PPARA: variants seen among roughly 807,000 people sequenced by gnomAD.
PPARA encodes the protein peroxisome proliferator-activated receptor alpha.
In PPARA, 22 loss-of-function variants were observed where a neutral mutation model predicts 42.2. That is an observed-to-expected ratio of 0.52 (90% CI 0.37 to 0.74). PPARA has a LOEUF of 0.74. Ranked by LOEUF, PPARA falls within the 30% of genes least tolerant of loss-of-function variation. PPARA has a pLI of 0.00. For missense variants in PPARA, 465 were observed against 608.2 expected (o/e 0.76, Z 2.48); for synonymous variants, 242 against 239.3 (o/e 1.01, Z -0.10).
At chr22:46,197,039 TG>T (rs1254406741) in intron 3 of PPARA, among the ~76,000 whole-genome samples, 1 of 147,816 alleles carries the variant, frequency 6.8e-6, no homozygotes, top group African/African-American at 2.6e-5. Context: ...TGTTTGGTTT[TG>T]GTTTTGGTTT....
intron 2 of PPARA, among the ~76,000 whole-genome samples, chr22:46,175,156 G>A (rs1025958707): frequency 3.3e-5 from 5 of 151,982 alleles, no homozygotes; most frequent in African/African-American, 4.8e-5. Context: ...TGATCTGCCC[G>A]CCTTGGCCTC....
At chr22:46,228,015 C>CT (rs1409376640) in intron 7 of PPARA, among the ~76,000 whole-genome samples, 1 of 152,210 alleles carries the variant, frequency 6.6e-6, no homozygotes, top group Non-Finnish European at 1.5e-5. Context: ...GTTCTCCCTG[C>CT]TAAATGAGGC....
In PPARA at chr22:46,195,512, TTGA is replaced by T. The variant is rs1490090119; in HGVS notation, c.-42-2825_-42-2823del. Among the ~76,000 whole-genome samples, 2 of 152,288 alleles carry T rather than the reference TTGA, an allele frequency of 1.3e-5. No homozygotes were observed. The highest frequency in any genetic ancestry group is 4.8e-5 in the African/African-American group (2 of 41,570). ...CTATTTGATGATTTCCCTGTGAACT[TTGA>T]TGATTTATTGCCAGAATTCCAAACA... On this transcript the variant is annotated intron_variant, in intron 3 of 8. Transcript: ENST00000407236. The surrounding 1 kb of genome is among the most constrained non-coding windows in gnomAD (Gnocchi z 4.6).
Position 46,232,193 on chromosome 22 carries a change from T to C in PPARA, c.1113T>C (p.Asp371=). The change falls in exon 8 of 9, where the codon GAT becomes GAC. Residue 371 remains aspartate, a synonymous_variant. Coordinates refer to ENST00000407236, the MANE Select transcript of PPARA (RefSeq NM_005036.6). This position sits in a 1 kb window ranked among gnomAD's most constrained non-coding sequence, Gnocchi z 5.3. ...TGAAGTTCAATGCACTGGAACTGGATGACAGTGATATCTCCCTTTTTGTGG... is the reference window on the plus strand; with the variant it reads ...TGAAGTTCAATGCACTGGAACTGGACGACAGTGATATCTCCCTTTTTGTGG... ...FAMKFNALEL[D]DSDISLFVAA... 6.2e-7 allele frequency: 1 copy of C among 1,614,216 alleles called. No homozygotes were observed. The highest frequency in any genetic ancestry group is 8.5e-7 in the Non-Finnish European group (1 of 1,180,044).
In PPARA at chr22:46,216,400, G is replaced by A. The variant is rs1276545903; in HGVS notation, c.369+1067G>A. Among the ~76,000 whole-genome samples, 1 of 149,948 alleles carries A rather than the reference G, an allele frequency of 6.7e-6. No individual in the cohort carries two copies. The highest frequency in any genetic ancestry group is 2.5e-5 in the African/African-American group (1 of 39,912). ...CTTCATCTCAAAAAAAAAAAAAAGAGAGAAAAGAAAATAAGCCACATTAAG... is the reference window on the plus strand; with the variant it reads ...CTTCATCTCAAAAAAAAAAAAAAGAAAGAAAAGAAAATAAGCCACATTAAG... On this transcript the variant is annotated intron_variant, in intron 5 of 8. Transcript: ENST00000407236. This position sits in a 1 kb window ranked among gnomAD's most constrained non-coding sequence, Gnocchi z 4.5.
At chr22:46,158,569 A>C (rs1156538166) in intron 2 of PPARA, among the ~76,000 whole-genome samples, 1 of 152,236 alleles carries the variant, frequency 6.6e-6, no homozygotes, top group Non-Finnish European at 1.5e-5. Flanking sequence ...TGAGTATTTA[A>C]ATGCGTGTTT....
chr22:46,177,238 T>C (rs1455855119), intron 3 of PPARA, among the ~76,000 whole-genome samples: 2 of 148,384 alleles, frequency 1.3e-5, no homozygotes, highest in African/African-American at 5.0e-5. Context: ...AAAATAAAAA[T>C]AATCTGTTTA....
At chr22:46,172,593 C>T (rs1009929902) in intron 2 of PPARA, among the ~76,000 whole-genome samples, 4 of 152,010 alleles carry the variant, frequency 2.6e-5, no homozygotes, top group Non-Finnish European at 4.4e-5. Context: ...ATTGCAGCCT[C>T]GGTGAGAGAG....
chr22:46,213,177 G>A (rs1240060427), intron 4 of PPARA, among the ~76,000 whole-genome samples: 1 of 152,144 alleles, frequency 6.6e-6, no homozygotes, highest in Non-Finnish European at 1.5e-5. Flanking sequence ...CACCAGCAAT[G>A]AATGGGGGTT....
Position 46,239,641 on chromosome 22 carries a change from A to ACCCCCCCCCCCCCCCCCCCCCCCCCCAC in PPARA, c.*4267_*4268insCCCCCCCCCCCCCCCCCCCCACCCCCCC, listed in dbSNP as rs1936317836. 1 of 133,760 alleles carries ACCCCCCCCCCCCCCCCCCCCCCCCCCAC rather than the reference A, an allele frequency of 7.5e-6. No homozygotes were observed. Among genetic ancestry groups the ACCCCCCCCCCCCCCCCCCCCCCCCCCAC allele is most frequent in the Non-Finnish European group, 1.6e-5 (1 of 62,126 alleles). The allele number at this position is 133,760 out of a possible 1,614,324, so 8.3% of individuals were successfully genotyped here. A position where few individuals can be genotyped will look rare whatever the true frequency, so the allele number is the denominator to read the frequency against. ...CGATGGTCCCGGCCTGCAGTGACAA[A>ACCCCCCCCCCCCCCCCCCCCCCCCCCAC]CCCCCCTCCCCGCACCGCCCCCAGC... On this transcript the variant is annotated 3_prime_UTR_variant, in exon 9 of 9. Coordinates refer to ENST00000407236, the MANE Select transcript of PPARA (RefSeq NM_005036.6).
rs1050538941 is a variant in PPARA at position 46,232,703 on chromosome 22, G to A, written c.1159+464G>A. On this transcript the variant is annotated intron_variant, in intron 8 of 8. Coordinates refer to ENST00000407236, the MANE Select transcript of PPARA (RefSeq NM_005036.6). The surrounding 1 kb of genome is among the most constrained non-coding windows in gnomAD (Gnocchi z 5.3). ...CAAATATATATATAGAGAAAAAGAG[G>A]TCGGACATGGGCCTGTAATCCCAGC... 4.0e-5 allele frequency among the ~76,000 whole-genome samples: 6 copies of A among 151,092 alleles called. No individual in the cohort carries two copies. The highest frequency in any genetic ancestry group is 8.8e-5 in the Non-Finnish European group (6 of 67,864).
intron 7 of PPARA, among the ~76,000 whole-genome samples, chr22:46,223,433 A>G (rs1935151551): frequency 6.6e-6 from 1 of 152,018 alleles, no homozygotes; most frequent in African/African-American, 2.4e-5. Context: ...ACCTGAGGTC[A>G]GGAGTTGGAG....
At position 46,215,159 on chromosome 22, in the gene PPARA, C is replaced by T. The variant is rs73886765; in HGVS notation, c.209-14C>T. 1 of 1,613,354 alleles carries T rather than the reference C, an allele frequency of 6.2e-7. No individual in the cohort carries two copies. Among genetic ancestry groups the T allele is most frequent in the African/African-American group, 1.3e-5 (1 of 75,014 alleles). ...TGCCTGGACTATTCATCCGTCTCTC[C>T]TCTTTTTCCCCAGACACGCTTTCAC... On this transcript the variant is annotated splice_polypyrimidine_tract_variant and intron_variant, in intron 4 of 8. Transcript: ENST00000407236.
In PPARA at chr22:46,207,642, A is replaced by T. The variant is rs182805907; in HGVS notation, c.209-7531A>T. 8.4e-4 allele frequency among the ~76,000 whole-genome samples: 87 copies of T among 104,072 alleles called. 1 individual carries two copies. Among genetic ancestry groups the T allele is most frequent in the Middle Eastern group, 0.011 (2 of 174 alleles). The allele number at this position is 104,072 out of a possible 152,430, so 68.3% of individuals were successfully genotyped here. On this transcript the variant is annotated intron_variant, in intron 4 of 8. Coordinates refer to ENST00000407236, the MANE Select transcript of PPARA (RefSeq NM_005036.6). ...ACTATCTTCTTGTTTTTAATTAATTAATTTATTATTATTATTATTATTATT... is the reference window on the plus strand; with the variant it reads ...ACTATCTTCTTGTTTTTAATTAATTTATTTATTATTATTATTATTATTATT...
At chr22:46,206,860 T>C (rs753806186) in intron 4 of PPARA, among the ~76,000 whole-genome samples, 4 of 152,198 alleles carry the variant, frequency 2.6e-5, no homozygotes, top group Non-Finnish European at 5.9e-5. Context: ...AATATGGCTC[T>C]ACTGGTAACG....
rs776110576 is a variant in PPARA, at chr22:46,183,740, C to CCAAAA, written c.-43+6925_-43+6929dup. On this transcript the variant is annotated intron_variant, in intron 3 of 8. Transcript: ENST00000407236. The surrounding 1 kb of genome is among the most constrained non-coding windows in gnomAD (Gnocchi z 5.5). ...TGGGTGAAAGAAGGAAACTCTGTGT[C>CCAAAA]CAAAACAAAACAAAACAAAACAAAA... Among the ~76,000 whole-genome samples the CCAAAA allele has an allele frequency of 1.4e-3, 217 of 152,094 alleles. No homozygotes were observed. The highest frequency in any genetic ancestry group is 4.8e-3 in the African/African-American group (200 of 41,472).
rs1569207722 is a variant in PPARA at position 46,185,919 on chromosome 22, ATATATATATATATATATATAT to A, written c.-43+9084_-43+9104del. On this transcript the variant is annotated intron_variant, in intron 3 of 8. Coordinates refer to ENST00000407236, the MANE Select transcript of PPARA (RefSeq NM_005036.6). ...CCAAAAAAAAAAAAAAAAAAAAAATATATATATATATATATATATATATATATATATATATATATATATATA... is the reference window on the plus strand; with the variant it reads ...CCAAAAAAAAAAAAAAAAAAAAAATAATATATATATATATATATATATATA... Among the ~76,000 whole-genome samples the A allele has an allele frequency of 3.2e-3, 31 of 9,776 alleles. 1 individual carries two copies. Among genetic ancestry groups the A allele is most frequent in the African/African-American group, 0.012 (31 of 2,630 alleles). The allele number at this position is 9,776 out of a possible 152,430, so 6.4% of individuals were successfully genotyped here.
In PPARA at chr22:46,163,059, C is replaced by T. The variant is rs888746252; in HGVS notation, c.-127+11089C>T. 4.6e-5 allele frequency among the ~76,000 whole-genome samples: 7 copies of T among 152,096 alleles called. No homozygotes were observed. The highest frequency in any genetic ancestry group is 1.7e-4 in the African/African-American group (7 of 41,412). ...AGACTCCCAGCTTCAAGGAGAGGCA[C>T]GGAGGGAAACTGAGAGCAGCCTGCA... On this transcript the variant is annotated intron_variant, in intron 2 of 8. Coordinates refer to ENST00000407236, the MANE Select transcript of PPARA (RefSeq NM_005036.6). The surrounding 1 kb of genome is among the most constrained non-coding windows in gnomAD (Gnocchi z 4.9).
At chr22:46,229,446 G>C (rs1177600352) in intron 7 of PPARA, among the ~76,000 whole-genome samples, 1 of 151,900 alleles carries the variant, frequency 6.6e-6, no homozygotes, top group Non-Finnish European at 1.5e-5. Context: ...CCAGCTACTC[G>C]GGAGGCTGAG....
Sources: gnomAD v4.1 joint callset for allele counts (sites outside exome capture counted in the v4.1 genomes callset) on GRCh38, gnomAD v4.1.1 for gene constraint, Gnocchi (gnomAD v3.1) non-coding constraint, MANE v1.5 for transcripts, NCBI Gene and HGNC (gene_info 2026-07-23, HGNC 2026-07-21) for gene names.